Variants in RGSL1 observed in about 807,000 individuals in gnomAD.
RGSL1 encodes the protein regulator of G protein signaling like 1, also known as regulator of G protein signaling protein-like.
A neutral mutation model predicts 124.7 loss-of-function variants in RGSL1; 97 were observed. The ratio of observed to expected loss-of-function variants is 0.78; its 90% CI spans 0.66 to 0.92. The LOEUF (loss-of-function observed/expected upper bound fraction) is 0.92, where lower values mean the gene tolerates loss of function less well. Ranked by LOEUF, RGSL1 falls within the 40% of genes least tolerant of loss-of-function variation. The pLI is 0.00. For synonymous variants in RGSL1, 424 were observed against 438.1 expected (o/e 0.97, Z 0.40); for missense variants, 1,233 against 1,288.4 (o/e 0.96, Z 0.66).
At chr1:182,553,732 A>T (rs1054297350) in intron 19 of RGSL1, among the ~76,000 whole-genome samples, 191 bp downstream of exon 19, 1 of 152,172 alleles carries the variant, frequency 6.6e-6, no homozygotes, top group Non-Finnish European at 1.5e-5. Flanking sequence ...ACCTCCTTCC[A>T]TGGCTCTGTG....
chr1:182,453,203 T>C (rs990729808), intron 1 of RGSL1, among the ~76,000 whole-genome samples: 3 of 152,224 alleles, frequency 2.0e-5, no homozygotes, highest in Non-Finnish European at 4.4e-5. Context: ...CAAATTAATA[T>C]TCAAGAAAGC....
chr1:182,462,018 A>G (rs894557637), intron 4 of RGSL1, among the ~76,000 whole-genome samples: 5 of 152,168 alleles, frequency 3.3e-5, no homozygotes, highest in Admixed American at 2.0e-4. Flanking sequence ...AAAGAGCCCA[A>G]TGAACTCCAA....
intron 9 of RGSL1, among the ~76,000 whole-genome samples, chr1:182,518,594 T>C (rs991387497): frequency 1.3e-5 from 2 of 152,160 alleles, no homozygotes; most frequent in East Asian, 1.9e-4. Flanking sequence ...CCCATGAAGA[T>C]GCTTCCCCTG....
At position 182,551,095 on chromosome 1, in the gene RGSL1, C is replaced by T; in HGVS notation, c.2934-5C>T. ...TCCTATGACCAGAAGCCATTCTTCC[C>T]ACAGGTTTTGTTTCTGGAAGGCAAC... On this transcript the variant is annotated splice_polypyrimidine_tract_variant and splice_region_variant and intron_variant, in intron 17 of 21. Coordinates refer to ENST00000294854, the MANE Select transcript of RGSL1 (RefSeq NM_001137669.2). 1 of 1,548,842 alleles carries T rather than the reference C, an allele frequency of 6.5e-7. No homozygotes were observed. Among genetic ancestry groups the T allele is most frequent in the Non-Finnish European group, 8.7e-7 (1 of 1,144,414 alleles).
intron 6 of RGSL1, 66 bp from the exon 7 acceptor site, chr1:182,488,219 T>A (rs1048901659): frequency 2.7e-5 from 39 of 1,443,162 alleles, no homozygotes; most frequent in Non-Finnish European, 3.6e-5. Flanking sequence ...CAGGTGAACA[T>A]ATGCAGGAAA....
intron 9 of RGSL1, among the ~76,000 whole-genome samples, chr1:182,494,291 G>A (rs1222433463): frequency 6.6e-6 from 1 of 152,048 alleles, no homozygotes. Context: ...CTGACTTCTT[G>A]GCATAAGGAG....
At position 182,527,636 on chromosome 1, in the gene RGSL1, C is replaced by G. The variant is rs753749611; in HGVS notation, c.1989C>G (p.Leu663=). 8 of 1,551,562 alleles carry G rather than the reference C, an allele frequency of 5.2e-6. No individual in the cohort carries two copies. The highest frequency in any genetic ancestry group is 1.7e-4 in the Middle Eastern group (1 of 6,012). The stretch of plus-strand genomic sequence containing the variant: ...ACTTGGAGTTCTTCAGGGAGTTCCT[C>G]AAGGAACGGAAGGCTAAAATCCCAT... ...TQHLEFFREF[L]KERKAKIPLQ... Residue 663 remains leucine, a synonymous_variant, in exon 11 of 22, where the codon CTC becomes CTG. Coordinates refer to ENST00000294854, the MANE Select transcript of RGSL1 (RefSeq NM_001137669.2).
chr1:182,456,541 G>A (rs991172378), intron 2 of RGSL1, among the ~76,000 whole-genome samples: 7 of 152,192 alleles, frequency 4.6e-5, no homozygotes, highest in African/African-American at 1.7e-4. Context: ...CAGATGATCC[G>A]CCTGCCTCGG....
chr1:182,515,183 T>C (rs1028752917), intron 9 of RGSL1, among the ~76,000 whole-genome samples: 2 of 152,174 alleles, frequency 1.3e-5, no homozygotes, highest in Admixed American at 1.3e-4. Flanking sequence ...CACTCACCTA[T>C]GCCTCCATCC....
intron 6 of RGSL1, 51 bp from the exon 7 acceptor site, chr1:182,488,234 C>G (rs1004680029): frequency 6.6e-7 from 1 of 1,509,270 alleles, no homozygotes; most frequent in South Asian, 1.2e-5. Flanking sequence ...AGGAAAGATG[C>G]AGCAAGCTGA....
chr1:182,524,578 C>T (rs989534206), intron 10 of RGSL1, among the ~76,000 whole-genome samples: 14 of 152,162 alleles, frequency 9.2e-5, no homozygotes, highest in Non-Finnish European at 1.5e-5. Context: ...TAAAAAATTG[C>T]TTATCCAAGA....
chr1:182,455,965 G>A (rs940329392), intron 2 of RGSL1, among the ~76,000 whole-genome samples: 2 of 152,242 alleles, frequency 1.3e-5, no homozygotes, highest in African/African-American at 2.4e-5. Flanking sequence ...AGACCTTAAT[G>A]GAGGAAGGGA....
chr1:182,528,244 C>G (rs1658901607), intron 11 of RGSL1, among the ~76,000 whole-genome samples: 1 of 152,132 alleles, frequency 6.6e-6, no homozygotes, highest in South Asian at 2.1e-4. Context: ...TCAATTATCT[C>G]CACCTGGTCC....
chr1:182,450,196 A>G lies in RGSL1; in HGVS notation c.13+18A>G. 6.4e-7 allele frequency: 1 copy of G among 1,552,060 alleles called. No individual in the cohort carries two copies. The highest frequency in any genetic ancestry group is 8.7e-7 in the Non-Finnish European group (1 of 1,147,066). On this transcript the variant is annotated intron_variant, in intron 1 of 21. Transcript: ENST00000294854. ...CAGTGCTGGTGAGTCTCTGCCAGGG[A>G]TGTCTCCAAGGCCTTGAGTCTCTCA...
intron 9 of RGSL1, among the ~76,000 whole-genome samples, chr1:182,511,300 G>T (rs558743944): frequency 1.3e-5 from 2 of 152,154 alleles, no homozygotes; most frequent in Non-Finnish European, 2.9e-5. Context: ...AAGTAGCTGG[G>T]ATTACAAGCA....
intron 6 of RGSL1, among the ~76,000 whole-genome samples, chr1:182,474,882 G>A (rs1654164700): frequency 6.6e-6 from 1 of 152,180 alleles, no homozygotes; most frequent in Non-Finnish European, 1.5e-5. Context: ...TGGGTTGCAT[G>A]CTTCTTATGA....
chr1:182,543,781 G>A (rs927261750), intron 15 of RGSL1, among the ~76,000 whole-genome samples: 1 of 151,930 alleles, frequency 6.6e-6, no homozygotes, highest in African/African-American at 2.4e-5. Context: ...ATGCGTCCAA[G>A]AATTTATTCA....
chr1:182,470,212 T>C (rs2102027247), intron 4 of RGSL1, among the ~76,000 whole-genome samples: 1 of 152,220 alleles, frequency 6.6e-6, no homozygotes, highest in African/African-American at 2.4e-5. Context: ...AAAAATGTAT[T>C]TCAGATCATA....
chr1:182,475,936 G>C (rs1365869846), intron 6 of RGSL1, among the ~76,000 whole-genome samples: 1 of 152,196 alleles, frequency 6.6e-6, no homozygotes, highest in Non-Finnish European at 1.5e-5. Flanking sequence ...CCAAGAGACA[G>C]AGAGAATAGT....
Sources: gnomAD v4.1 joint callset for allele counts (sites outside exome capture counted in the v4.1 genomes callset) on GRCh38, gnomAD v4.1.1 for gene constraint, MANE v1.5 for transcripts, NCBI Gene and HGNC (gene_info 2026-07-23, HGNC 2026-07-21) for gene names.